The following ASTN2 variants were observed in gnomAD, a reference collection of about 807,000 sequenced individuals.
ASTN2 encodes astrotactin-2.
A neutral mutation model predicts 139.8 loss-of-function variants in ASTN2; 54 were observed. That is an observed-to-expected ratio of 0.39 (90% CI 0.31 to 0.48). ASTN2 has a LOEUF of 0.48. ASTN2 is among the 20% of genes least tolerant of loss of function. ASTN2 has a pLI of 0.95. For missense variants in ASTN2, 1,565 were observed against 1,725.1 expected (o/e 0.91, Z 1.64); for synonymous variants, 756 against 719.5 (o/e 1.05, Z -0.81).
At chr9:117,100,115 A>G (rs924555467) in intron 4 of ASTN2, among the ~76,000 whole-genome samples, 3 of 152,212 alleles carry the variant, frequency 2.0e-5, no homozygotes, top group Admixed American at 1.3e-4. Flanking sequence ...GTTTTCTTGT[A>G]GGAACTCTAA....
intron 3 of ASTN2, among the ~76,000 whole-genome samples, chr9:117,152,977 G>T (rs1830357160): frequency 6.6e-6 from 1 of 152,030 alleles, no homozygotes; most frequent in Admixed American, 6.6e-5. Context: ...AATGTCCATG[G>T]TACATGGAAG....
intron 16 of ASTN2, among the ~76,000 whole-genome samples, chr9:116,684,698 A>G (rs1006396866): frequency 1.3e-5 from 2 of 152,178 alleles, no homozygotes; most frequent in Non-Finnish European, 2.9e-5. Flanking sequence ...GTTGACTCCC[A>G]TTCCCACTAC....
intron 13 of ASTN2, among the ~76,000 whole-genome samples, chr9:116,791,380 A>G (rs2132223589): frequency 6.6e-6 from 1 of 152,362 alleles, no homozygotes; most frequent in East Asian, 1.9e-4. Context: ...GATTGACCAT[A>G]ATGTAATACA....
rs77272041 is a variant in ASTN2 at position 117,284,595 on chromosome 9, C to A, written c.630+6731G>T. Among the ~76,000 whole-genome samples, 595 of 152,344 alleles carry A rather than the reference C, an allele frequency of 3.9e-3. 4 individuals are homozygous for A. Among genetic ancestry groups the A allele is most frequent in the African/African-American group, 0.013 (560 of 41,570 alleles). On this transcript the variant is annotated intron_variant, in intron 2 of 22. Coordinates refer to ENST00000313400, the MANE Select transcript of ASTN2 (RefSeq NM_001365068.1). ...GTCTCACAGATATCTTGATTTTAAA[C>A]TTCCGGCCTCCAGGATTGTGAGATA...
chr9:116,471,332 G>C (rs1047132142), intron 20 of ASTN2, among the ~76,000 whole-genome samples: 1 of 152,098 alleles, frequency 6.6e-6, no homozygotes, highest in African/African-American at 2.4e-5. Flanking sequence ...ACAGCTTCCC[G>C]GCCTTTCTTG....
In ASTN2 at chr9:117,175,198, G is replaced by A. The variant is rs1435399187; in HGVS notation, c.1016-33720C>T. 2.0e-5 allele frequency among the ~76,000 whole-genome samples: 3 copies of A among 152,202 alleles called. No individual in the cohort carries two copies. In the East Asian group the frequency reaches 5.8e-4, roughly 29 times the overall value. ...TAATACAAGTGAAAAGATACAATTT[G>A]CAACAGTTGCAGAAATAGTGATGCT... On this transcript the variant is annotated intron_variant, in intron 3 of 22. Transcript: ENST00000313400.
chr9:116,842,027 A>G (rs566891113), intron 11 of ASTN2, among the ~76,000 whole-genome samples: 1 of 152,310 alleles, frequency 6.6e-6, no homozygotes, highest in South Asian at 2.1e-4. Context: ...TATGGGGCCA[A>G]ATGAGGTTCT....
Position 117,414,632 on chromosome 9 carries a change from C to A in ASTN2, c.307G>T (p.Ala103Ser). 7.5e-7 allele frequency: 1 copy of A among 1,327,960 alleles called. No individual in the cohort carries two copies. 82.3% of individuals were successfully genotyped at this position (1,327,960 alleles called of 1,614,324 possible). The part of the protein sequence containing the change: ...GTGAGAAAAA[A>S]SPGSPGSAGT... ...GCAGAGCCAGGAGAGCCCGGGGACG[C>A]GGCGGCGGCGGCGGCTCCGGCCCCG... The change falls in exon 1 of 23, where the codon GCG becomes TCG. Residue 103 changes from alanine (A) to serine (S), a missense_variant. Physicochemically the swap from Ala to Ser is moderately conservative, Grantham distance 99. Transcript: ENST00000313400. This position sits in a 1 kb window ranked among gnomAD's most constrained non-coding sequence, Gnocchi z 4.2.
At chr9:117,058,902 A>G (rs1175211627) in intron 5 of ASTN2, among the ~76,000 whole-genome samples, 1 of 152,214 alleles carries the variant, frequency 6.6e-6, no homozygotes, top group Non-Finnish European at 1.5e-5. Flanking sequence ...ATGCACTGAA[A>G]AAGGCAGTGA....
At chr9:116,462,852 C>T (rs1848535160) in intron 20 of ASTN2, among the ~76,000 whole-genome samples, 2 of 147,818 alleles carry the variant, frequency 1.4e-5, no homozygotes, top group South Asian at 4.6e-4. Context: ...ATACAATTTG[C>T]ATATGGCAAT....
intron 3 of ASTN2, among the ~76,000 whole-genome samples, chr9:117,193,198 G>A (rs1158590263): frequency 6.6e-6 from 1 of 152,152 alleles, no homozygotes; most frequent in African/African-American, 2.4e-5. Flanking sequence ...GCTAATGAAG[G>A]AACAGAGGAC....
chr9:117,331,519 G>T (rs1828706521), intron 1 of ASTN2, among the ~76,000 whole-genome samples: 1 of 152,152 alleles, frequency 6.6e-6, no homozygotes, highest in African/African-American at 2.4e-5. Context: ...CCTGAAGGAA[G>T]GGCTATGTCT....
intron 10 of ASTN2, among the ~76,000 whole-genome samples, chr9:116,889,030 AT>A (rs2132384956): frequency 6.6e-6 from 1 of 152,252 alleles, no homozygotes; most frequent in Admixed American, 6.5e-5. Flanking sequence ...ATTTAGTCTC[AT>A]TCCTTTAAAA....
intron 20 of ASTN2, among the ~76,000 whole-genome samples, chr9:116,459,059 G>A (rs1219566366): frequency 6.6e-6 from 1 of 152,030 alleles, no homozygotes; most frequent in Non-Finnish European, 1.5e-5. Context: ...GAGGACAGAT[G>A]TAGATCAATG....
chr9:116,696,805 G>A (rs1040065509), intron 16 of ASTN2, among the ~76,000 whole-genome samples: 1 of 152,102 alleles, frequency 6.6e-6, no homozygotes, highest in Non-Finnish European at 1.5e-5. Context: ...GGATAGGTGA[G>A]TAAGTAGGAG....
intron 13 of ASTN2, among the ~76,000 whole-genome samples, chr9:116,751,137 A>G (rs1829387203): frequency 6.8e-6 from 1 of 146,980 alleles, no homozygotes; most frequent in South Asian, 2.1e-4. Context: ...GTTAAATTTC[A>G]GGAGCCTCAG....
At chr9:117,314,319 C>A (rs1828066959) in intron 1 of ASTN2, among the ~76,000 whole-genome samples, 1 of 151,836 alleles carries the variant, frequency 6.6e-6, no homozygotes, top group Non-Finnish European at 1.5e-5. Flanking sequence ...AAAGGGTCTG[C>A]ATTAGCAATG....
intron 5 of ASTN2, among the ~76,000 whole-genome samples, chr9:117,071,028 T>G (rs979597282): frequency 6.7e-6 from 1 of 149,166 alleles, no homozygotes; most frequent in African/African-American, 2.5e-5. Flanking sequence ...TCATTCTCCA[T>G]CCAGCTTTGT....
intron 1 of ASTN2, among the ~76,000 whole-genome samples, chr9:117,391,181 G>A (rs1830531106): frequency 6.6e-6 from 1 of 152,128 alleles, no homozygotes; most frequent in African/African-American, 2.4e-5. Flanking sequence ...GTATTCTAAG[G>A]GACAGCTAAA....
Sources: gnomAD v4.1 joint callset for allele counts (sites outside exome capture counted in the v4.1 genomes callset) on GRCh38, gnomAD v4.1.1 for gene constraint, Gnocchi (gnomAD v3.1) non-coding constraint, MANE v1.5 for transcripts, NCBI Gene and HGNC (gene_info 2026-07-23, HGNC 2026-07-21) for gene names.